ANKFY1: variants seen among roughly 807,000 people sequenced by gnomAD.
The protein encoded by ANKFY1 is ankyrin repeat and FYVE domain-containing protein 1.
A neutral mutation model predicts 128.3 loss-of-function variants in ANKFY1; 47 were observed. The observed-to-expected ratio is 0.37, with a 90% CI of 0.29 to 0.47. ANKFY1 has a LOEUF of 0.47. ANKFY1 is among the 20% of genes least tolerant of loss of function. The probability of loss-of-function intolerance (pLI) is 1.00; values close to 1 mark genes in which losing one functional copy is unlikely to be tolerated. For synonymous variants in ANKFY1, 553 were observed against 601.6 expected (o/e 0.92, Z 1.18); for missense variants, 1,222 against 1,510.6 (o/e 0.81, Z 3.17).
chr17:4,198,327 G>C (rs1455712142), intron 7 of ANKFY1, among the ~76,000 whole-genome samples: 11 of 151,578 alleles, frequency 7.3e-5, no homozygotes, highest in Non-Finnish European at 4.4e-5. Flanking sequence ...TTCCTACTCA[G>C]AGTAATCCCA....
chr17:4,223,666 A>G (rs2060367609), intron 3 of ANKFY1: 8 of 1,600,424 alleles, frequency 5.0e-6, no homozygotes, highest in Middle Eastern at 1.6e-4. Context: ...AGATGGCCGC[A>G]TACCTGAAAG....
chr17:4,173,244 A>G (rs1401417869), intron 21 of ANKFY1, 110 bp downstream of exon 21: 2 of 951,344 alleles, frequency 2.1e-6, no homozygotes, highest in South Asian at 1.3e-5. Flanking sequence ...GAGGTGCCCC[A>G]GCGGCCGGTT....
intron 3 of ANKFY1, among the ~76,000 whole-genome samples, chr17:4,235,065 A>C (rs1009575774): frequency 1.3e-5 from 2 of 152,268 alleles, no homozygotes; most frequent in East Asian, 3.9e-4. Flanking sequence ...TACTTTGGCC[A>C]GACACGGTGG....
At chr17:4,237,869 A>G (rs990551209) in intron 2 of ANKFY1, among the ~76,000 whole-genome samples, 2 of 152,180 alleles carry the variant, frequency 1.3e-5, no homozygotes, top group African/African-American at 4.8e-5. Flanking sequence ...AAACATGGAA[A>G]CCAGAATGTT....
intron 4 of ANKFY1, among the ~76,000 whole-genome samples, chr17:4,214,983 A>G (rs1440161328): frequency 6.6e-6 from 1 of 152,270 alleles, no homozygotes; most frequent in South Asian, 2.1e-4. Flanking sequence ...TTTAGTATAC[A>G]TTAATTATCT....
intron 1 of ANKFY1, among the ~76,000 whole-genome samples, chr17:4,252,543 T>C (rs1419893904): frequency 3.3e-5 from 5 of 151,902 alleles, no homozygotes; most frequent in Non-Finnish European, 4.4e-5. Flanking sequence ...CACCCCAGCC[T>C]GGGTAACAAA....
chr17:4,256,912 T>C (rs948837385), intron 1 of ANKFY1, among the ~76,000 whole-genome samples: 1 of 152,136 alleles, frequency 6.6e-6, no homozygotes, highest in Non-Finnish European at 1.5e-5. Flanking sequence ...GCAGTGACAA[T>C]TGGGCTGGTT....
At chr17:4,201,909 A>T (rs1027047004) in intron 7 of ANKFY1, among the ~76,000 whole-genome samples, 10 of 152,204 alleles carry the variant, frequency 6.6e-5, no homozygotes, top group Non-Finnish European at 1.3e-4. Flanking sequence ...TATAGGAAAA[A>T]ATATGTAAAG....
chr17:4,198,379 T>A (rs2143011397), intron 7 of ANKFY1, among the ~76,000 whole-genome samples: 1 of 151,822 alleles, frequency 6.6e-6, no homozygotes, highest in Admixed American at 6.5e-5. Flanking sequence ...TTTTTAGATT[T>A]TTTTTTTTTT....
At chr17:4,263,514 T>C (rs1165648659) in intron 1 of ANKFY1, 1 of 1,050,110 alleles carries the variant, frequency 9.5e-7, no homozygotes. Flanking sequence ...ACCCACGCTC[T>C]TCCGCAAGCG....
rs1057095786 is a variant in ANKFY1 at position 4,165,519 on chromosome 17, C to T, written c.*2260G>A. The stretch of plus-strand genomic sequence containing the variant: ...AGTCAGCTCCCACTCAAGCAGCCTG[C>T]TGAGTGCAGCCCAGCGAGCGTCCGC... On this transcript the variant is annotated 3_prime_UTR_variant, in exon 25 of 25. Transcript: ENST00000341657. The T allele has an allele frequency of 6.6e-6, 1 of 152,272 alleles. No individual in the cohort carries two copies. The highest frequency in any genetic ancestry group is 2.4e-5 in the African/African-American group (1 of 41,464). The allele number at this position is 152,272 out of a possible 1,614,324, so 9.4% of individuals were successfully genotyped here. A position where few individuals can be genotyped will look rare whatever the true frequency, so the allele number is the denominator to read the frequency against.
intron 3 of ANKFY1, chr17:4,223,857 G>A: frequency 9.9e-7 from 1 of 1,006,006 alleles, no homozygotes; most frequent in Non-Finnish European, 1.5e-6. Context: ...CACAGCATCA[G>A]GAGAAAGGTG....
rs970772726 is a variant in ANKFY1, at chr17:4,177,218, C to T, written c.2683G>A (p.Ala895Thr). 9 of 1,608,672 alleles carry T rather than the reference C, an allele frequency of 5.6e-6. No homozygotes were observed. Among genetic ancestry groups the T allele is most frequent in the Non-Finnish European group, 6.8e-6 (8 of 1,177,404 alleles). Residue 895 changes from alanine (A) to threonine (T), a missense_variant, in exon 19 of 25, where the codon GCT becomes ACT. Transcript: ENST00000341657. The part of the protein sequence containing the change: ...ESVLFLISVH[A>T]NVNSRVQDAS... ...TCCTGGACTCTTGAATTCACATTAG[C>T]GTGGACACTGATCAGGAACAGCACA... is the stretch of plus-strand genomic sequence containing the variant.
chr17:4,202,248 A>C (rs1046118866), intron 7 of ANKFY1, among the ~76,000 whole-genome samples: 1 of 151,956 alleles, frequency 6.6e-6, no homozygotes, highest in Non-Finnish European at 1.5e-5. Flanking sequence ...CAAAAATAGA[A>C]AAATTAGCCA....
chr17:4,217,188 TA>T, intron 3 of ANKFY1, 70 bp from the exon 4 acceptor site: 1 of 1,545,004 alleles, frequency 6.5e-7, no homozygotes. Flanking sequence ...AAGGGATCCC[TA>T]AAATTTGAGG....
chr17:4,178,842 G>T lies in ANKFY1; in HGVS notation c.2598+15C>A, dbSNP rs1214615718. The T allele has an allele frequency of 3.1e-6, 5 of 1,613,222 alleles. No homozygotes were observed. The African/African-American group carries it at 4.0e-5, about 13-fold the overall frequency. On this transcript the variant is annotated intron_variant, in intron 18 of 24. Coordinates refer to ENST00000341657, the MANE Select transcript of ANKFY1 (RefSeq NM_001330063.2). The surrounding 1 kb of genome is among the most constrained non-coding windows in gnomAD (Gnocchi z 4.1). The stretch of plus-strand genomic sequence containing the variant: ...CCCAGGACCATGTGGAGAAGGTCAG[G>T]TGTTATTCACTCACCTGCTCAGCAG...
At chr17:4,193,597 T>G (rs1285826748) in intron 10 of ANKFY1, among the ~76,000 whole-genome samples, 1 of 151,876 alleles carries the variant, frequency 6.6e-6, no homozygotes, top group Non-Finnish European at 1.5e-5. Context: ...CGGCTAATTT[T>G]TGTATTTCAG....
At chr17:4,260,641 A>C (rs1351894601) in intron 1 of ANKFY1, among the ~76,000 whole-genome samples, 1 of 150,752 alleles carries the variant, frequency 6.6e-6, no homozygotes, top group Non-Finnish European at 1.5e-5. Context: ...AAAAAAAAAA[A>C]ACCCACAAAT....
intron 10 of ANKFY1, among the ~76,000 whole-genome samples, chr17:4,192,333 G>A (rs2059732277): frequency 7.0e-6 from 1 of 143,284 alleles, no homozygotes; most frequent in African/African-American, 2.6e-5. Flanking sequence ...TTAGTTGATG[G>A]TTGCTCTAAT....
Sources: gnomAD v4.1 joint callset for allele counts (sites outside exome capture counted in the v4.1 genomes callset) on GRCh38, gnomAD v4.1.1 for gene constraint, Gnocchi (gnomAD v3.1) non-coding constraint, MANE v1.5 for transcripts, NCBI Gene and HGNC (gene_info 2026-07-23, HGNC 2026-07-21) for gene names.